The following DNLZ variants were observed in gnomAD, a reference collection of about 807,000 sequenced individuals.
DNLZ encodes the protein DNL-type zinc finger, also known as DNL-type zinc finger protein.
DNLZ carries 15 observed loss-of-function variants against 7.8 expected under a neutral mutation model. The observed-to-expected ratio is 1.91, with a 90% confidence interval of 1.28 to 2.95. The LOEUF (loss-of-function observed/expected upper bound fraction) is 2.95, where lower values mean the gene tolerates loss of function less well. Among genes scored for constraint, DNLZ ranks in the 30% most tolerant of loss-of-function variants. The pLI is 0.00. For missense variants in DNLZ, 255 were observed against 167.3 expected, an observed-to-expected ratio of 1.52 and a Z score of -2.89; for synonymous variants, 123 against 77.8, an observed-to-expected ratio of 1.58 and a Z score of -3.05.
At position 136,363,005 on chromosome 9, in the gene DNLZ, C is replaced by A. The variant is rs778021919; in HGVS notation, c.352G>T (p.Asp118Tyr). The A allele has an allele frequency of 1.9e-6, 3 of 1,613,746 alleles. No homozygotes were observed. The highest frequency in any genetic ancestry group is 2.5e-6 in the Non-Finnish European group (3 of 1,179,974). Residue 118 changes from aspartate to tyrosine, a missense_variant, in exon 2 of 3, where the codon GAC becomes TAC. Coordinates refer to ENST00000371738, the MANE Select transcript of DNLZ (RefSeq NM_001080849.3). ...IIADNLGWFS[D>Y]LNGKRNIEEI... is the part of the protein sequence containing the mutation. Reference sequence around the variant, plus strand: ...AGGCCTCACCTCTTCCCATTCAGGTCCGAGAACCAGCCCAGGTTGTCAGCG... The same window carrying A: ...AGGCCTCACCTCTTCCCATTCAGGTACGAGAACCAGCCCAGGTTGTCAGCG...
chr9:136,363,171 C>T, intron 1 of DNLZ, 43 bp from the exon 2 acceptor site: 1 of 1,604,510 alleles, frequency 6.2e-7, no homozygotes, highest in South Asian at 1.1e-5. Flanking sequence ...AGGGCCGCCA[C>T]GCCCCTCCCG....
chr9:136,361,654 C>T lies in DNLZ; in HGVS notation c.*358G>A. The T allele has an allele frequency of 4.7e-6, 1 of 211,882 alleles. No homozygotes were observed. Among genetic ancestry groups the T allele is most frequent in the Non-Finnish European group, 9.3e-6 (1 of 107,616 alleles). 13.1% of individuals were successfully genotyped at this position (211,882 alleles called of 1,614,324 possible). ...AGGGCCTTGCAGAGGAAGGCTGAGGCTCACAGGGGTGGTGACCTGCTCAAA... is the reference window on the plus strand; with the variant it reads ...AGGGCCTTGCAGAGGAAGGCTGAGGTTCACAGGGGTGGTGACCTGCTCAAA... On this transcript the variant is annotated 3_prime_UTR_variant, in exon 3 of 3. Coordinates refer to ENST00000371738, the MANE Select transcript of DNLZ (RefSeq NM_001080849.3).
intron 2 of DNLZ, 92 bp downstream of exon 2, chr9:136,362,897 C>T: frequency 8.2e-7 from 1 of 1,219,002 alleles, no homozygotes; most frequent in Non-Finnish European, 1.2e-6. Flanking sequence ...CAGGTGAGAT[C>T]TATAAACCTC....
In DNLZ at chr9:136,361,724, C is replaced by T; in HGVS notation, c.*288G>A. The T allele has an allele frequency of 3.0e-6, 1 of 337,372 alleles. No homozygotes were observed. The highest frequency in any genetic ancestry group is 5.3e-6 in the Non-Finnish European group (1 of 187,506). The allele number at this position is 337,372 out of a possible 1,614,324, so 20.9% of individuals were successfully genotyped here. A position where few individuals can be genotyped will look rare whatever the true frequency, so the allele number is the denominator to read the frequency against. ...GAAGGGCTCTGACGCCACATCCAGC[C>T]CCCTTTCCACGCGACTGTGGCCTCT... On this transcript the variant is annotated 3_prime_UTR_variant, in exon 3 of 3. Transcript: ENST00000371738.
chr9:136,362,896 T>G (rs990881650), intron 2 of DNLZ, 93 bp downstream of exon 2: 1 of 1,178,514 alleles, frequency 8.5e-7, no homozygotes, highest in African/African-American at 1.5e-5. Context: ...CCAGGTGAGA[T>G]CTATAAACCT....
In DNLZ at chr9:136,361,366, C is replaced by CTGGGA. The variant is rs1832977556; in HGVS notation, c.*641_*645dup. 1 of 152,308 alleles carries CTGGGA rather than the reference C, an allele frequency of 6.6e-6. No individual in the cohort carries two copies. The highest frequency in any genetic ancestry group is 1.5e-5 in the Non-Finnish European group (1 of 68,086). 9.4% of individuals were successfully genotyped at this position (152,308 alleles called of 1,614,324 possible). ...GGGAACATCCTGCGCACAGACAAGG[C>CTGGGA]TGGGAGACAAACCCCACACACCTCG... On this transcript the variant is annotated 3_prime_UTR_variant, in exon 3 of 3. Transcript: ENST00000371738.
chr9:136,363,315 C>A, intron 1 of DNLZ, 172 bp downstream of exon 1: 1 of 695,606 alleles, frequency 1.4e-6, no homozygotes, highest in Non-Finnish European at 2.5e-6. Flanking sequence ...GACGGCTCCA[C>A]CCCTCCTCAT....
At chr9:136,362,292 C>A in intron 2 of DNLZ, 112 bp from the exon 3 acceptor site, 1 of 988,040 alleles carries the variant, frequency 1.0e-6, no homozygotes, top group East Asian at 3.1e-5. Flanking sequence ...AGGCCCAGCA[C>A]TCCTGTGGCA....
In DNLZ at chr9:136,362,971, C is replaced by G. The variant is rs775527258; in HGVS notation, c.368+18G>C. 20 of 1,613,086 alleles carry G rather than the reference C, an allele frequency of 1.2e-5. No homozygotes were observed. In the East Asian group the frequency reaches 4.5e-4, roughly 36 times the overall value. On this transcript the variant is annotated intron_variant, in intron 2 of 2. Transcript: ENST00000371738. ...TTCTGGGTGGCCTTCTGGCCCAGCC[C>G]TGGGGTACAGGCCTCACCTCTTCCC...
rs941490184 is a variant in DNLZ at position 136,361,948 on chromosome 9, G to A, written c.*64C>T. The A allele has an allele frequency of 1.7e-6, 2 of 1,185,552 alleles. No individual in the cohort carries two copies. Among genetic ancestry groups the A allele is most frequent in the East Asian group, 6.3e-5 (2 of 31,748 alleles). The allele number at this position is 1,185,552 out of a possible 1,614,324, so 73.4% of individuals were successfully genotyped here. On this transcript the variant is annotated 3_prime_UTR_variant, in exon 3 of 3. Coordinates refer to ENST00000371738, the MANE Select transcript of DNLZ (RefSeq NM_001080849.3). ...TGATAGAAAACAGGCCACGTCCAGAGAGGCCCAGGGCCAAAACCTCCTTCT... is the reference window on the plus strand; with the variant it reads ...TGATAGAAAACAGGCCACGTCCAGAAAGGCCCAGGGCCAAAACCTCCTTCT...
rs771244658 is a variant in DNLZ, at chr9:136,363,595, C to T, written c.120G>A (p.Arg40=). ...GARPEVAGRR[R]AWAWGWRRSS... ...AGCGCCGCCAGCCCCAGGCCCAGGC[C>T]CGCCGCCTCCCCGCGACCTCTGGAC... The change falls in exon 1 of 3, where the codon CGG becomes CGA. Residue 40 remains arginine (R), a synonymous_variant. Coordinates refer to ENST00000371738, the MANE Select transcript of DNLZ (RefSeq NM_001080849.3). 5.1e-6 allele frequency: 3 copies of T among 583,178 alleles called. No individual in the cohort carries two copies. The highest frequency in any genetic ancestry group is 6.1e-6 in the Non-Finnish European group (2 of 329,692). 36.1% of individuals were successfully genotyped at this position (583,178 alleles called of 1,614,324 possible).
chr9:136,363,232 G>T, intron 1 of DNLZ, 104 bp from the exon 2 acceptor site: 2 of 1,396,856 alleles, frequency 1.4e-6, no homozygotes, highest in Admixed American at 1.9e-5. Flanking sequence ...CCTCTCCAGA[G>T]AAGGCCCCGC....
intron 2 of DNLZ, among the ~76,000 whole-genome samples, chr9:136,362,556 G>A (rs1372786857): frequency 1.3e-5 from 2 of 152,216 alleles, no homozygotes; most frequent in Non-Finnish European, 2.9e-5. Flanking sequence ...GGCCAGGCAA[G>A]GCCCGGACCA....
chr9:136,363,206 G>A (rs1016536168), intron 1 of DNLZ, 78 bp from the exon 2 acceptor site: 2 of 1,554,820 alleles, frequency 1.3e-6, no homozygotes, highest in Non-Finnish European at 1.8e-6. Flanking sequence ...TCTAGGGGTA[G>A]CTCCAGCCAC....
intron 1 of DNLZ, 37 bp downstream of exon 1, chr9:136,363,450 C>T (rs774831802): frequency 1.3e-6 from 1 of 762,064 alleles, no homozygotes; most frequent in South Asian, 1.3e-5. Context: ...GCGTCAGATA[C>T]GGGTCTGTCC....
intron 2 of DNLZ, among the ~76,000 whole-genome samples, chr9:136,362,773 C>CT (rs1833003787): frequency 6.6e-6 from 1 of 152,202 alleles, no homozygotes; most frequent in Admixed American, 6.5e-5. Flanking sequence ...CAAAATTTAA[C>CT]AAATAAAAAC....
rs1588715175 is a variant in DNLZ, at chr9:136,360,045, G to A, written c.*1967C>T. 6.6e-6 allele frequency: 1 copy of A among 152,410 alleles called. No homozygotes were observed. The highest frequency in any genetic ancestry group is 3.4e-3 in the Middle Eastern group (1 of 298). The allele number at this position is 152,410 out of a possible 1,614,324, so 9.4% of individuals were successfully genotyped here. ...GAGCCGACGGCAGATCTGCAGTCTT[G>A]GGGCTTGTCTGGGCGCTGCTTGTGG... On this transcript the variant is annotated 3_prime_UTR_variant, in exon 3 of 3. Transcript: ENST00000371738.
At chr9:136,362,951 G>C (rs754197144) in intron 2 of DNLZ, 38 bp downstream of exon 2, 1 of 1,606,798 alleles carries the variant, frequency 6.2e-7, no homozygotes. Context: ...GGTACTTCTG[G>C]GTGGCCTTCT....
Position 136,362,019 on chromosome 9 carries a change from G to A in DNLZ, c.530C>T (p.Pro177Leu), listed in dbSNP as rs111296752. ...EGPPSPGKTE[P>L]S ...TGCCGGGGAGCGCAGGAGTCAGCTC[G>A]GCTCCGTCTTGCCAGGGCTGGGGGG... is the stretch of plus-strand genomic sequence containing the variant. The change falls in exon 3 of 3, where the codon CCG (proline) becomes CTG (leucine). Residue 177 changes from proline (P) to leucine (L), a missense_variant. By Grantham distance (98) the Pro-to-Leu change is moderately conservative. Coordinates refer to ENST00000371738, the MANE Select transcript of DNLZ (RefSeq NM_001080849.3). The A allele has an allele frequency of 7.2e-5, 95 of 1,318,144 alleles. No homozygotes were observed. The East Asian group carries it at 1.4e-3, about 19-fold the overall frequency. 81.7% of individuals were successfully genotyped at this position (1,318,144 alleles called of 1,614,324 possible).
Sources: gnomAD v4.1 joint callset for allele counts (sites outside exome capture counted in the v4.1 genomes callset) on GRCh38, gnomAD v4.1.1 for gene constraint, MANE v1.5 for transcripts, NCBI Gene and HGNC (gene_info 2026-07-23, HGNC 2026-07-21) for gene names.